Variants in GLIS3 observed in about 807,000 individuals in gnomAD.
GLIS3 encodes GLIS family zinc finger 3, also known as zinc finger protein GLIS3.
GLIS3 carries 53 observed loss-of-function variants against 78.6 expected under a neutral mutation model. That is an observed-to-expected ratio of 0.67 (90% confidence interval 0.54 to 0.85). GLIS3 has a LOEUF of 0.85. Among genes scored for constraint, GLIS3 ranks in the 40% least tolerant of loss-of-function variants. The pLI, the probability that GLIS3 is intolerant of heterozygous loss-of-function variation, is 0.00. For synonymous variants in GLIS3, 684 were observed against 509.9 expected (o/e 1.34, Z -4.60); for missense variants, 1,703 against 1,231.1 (o/e 1.38, Z -5.74).
At chr9:3,990,389 T>A (rs1389791670) in intron 4 of GLIS3, among the ~76,000 whole-genome samples, 1 of 152,138 alleles carries the variant, frequency 6.6e-6, no homozygotes, top group South Asian at 2.1e-4. Flanking sequence ...ATGGCGCATG[T>A]TTTCTTCACC....
intron 4 of GLIS3, among the ~76,000 whole-genome samples, chr9:4,057,436 G>T (rs1182674092): frequency 1.3e-5 from 2 of 151,978 alleles, no homozygotes; most frequent in Non-Finnish European, 2.9e-5. Flanking sequence ...TGATAGGAAA[G>T]CACAAAAACA....
At chr9:4,087,766 G>A (rs749725991) in intron 4 of GLIS3, among the ~76,000 whole-genome samples, 2 of 152,040 alleles carry the variant, frequency 1.3e-5, no homozygotes, top group Admixed American at 1.3e-4. Flanking sequence ...ATGAACTAAG[G>A]GTAAGGTACC....
At chr9:4,088,563 T>G (rs1383833661) in intron 4 of GLIS3, among the ~76,000 whole-genome samples, 5 of 152,186 alleles carry the variant, frequency 3.3e-5, no homozygotes, top group Admixed American at 3.3e-4. Context: ...ACAGGAAAAT[T>G]ATCTTCTTAT....
chr9:4,039,203 T>C (rs189141491), intron 4 of GLIS3, among the ~76,000 whole-genome samples: 2 of 152,350 alleles, frequency 1.3e-5, no homozygotes, highest in Admixed American at 6.5e-5. Context: ...CTGGTTATTC[T>C]CTGGAGAGGG....
chr9:3,869,534 T>A lies in GLIS3; in HGVS notation c.2297+9893A>T, dbSNP rs185450907. Among the ~76,000 whole-genome samples the A allele has an allele frequency of 2.8e-4, 43 of 152,320 alleles. 1 individual carries two copies. In the East Asian group the frequency reaches 6.7e-3, roughly 24 times the overall value. On this transcript the variant is annotated intron_variant, in intron 8 of 10. Coordinates refer to ENST00000381971, the MANE Select transcript of GLIS3 (RefSeq NM_001042413.2). ...TGTTTGTGTGCCTGAATGTATATAT[T>A]AGAGCAACTATGCATTGTATCAAAG...
the GLIS3 span, among the ~76,000 whole-genome samples, chr9:4,451,680 C>G: frequency 5.9e-5 from 9 of 152,078 alleles, no homozygotes; most frequent in Non-Finnish European, 1.3e-4. Context: ...AATTAGAACC[C>G]AGGATAAAGA....
At chr9:4,390,945 G>C in the GLIS3 span, among the ~76,000 whole-genome samples, 3 of 152,288 alleles carry the variant, frequency 2.0e-5, no homozygotes, top group African/African-American at 7.2e-5. Context: ...AGGGAAACAA[G>C]TTCTCCACAT....
chr9:4,302,314 C>G (rs1383428532), upstream of GLIS3, among the ~76,000 whole-genome samples: 2 of 152,184 alleles, frequency 1.3e-5, no homozygotes, highest in Non-Finnish European at 1.5e-5. Flanking sequence ...CTCTAGAGAC[C>G]AGTGTTGTAT....
intron 2 of GLIS3, chr9:4,150,984 A>C (rs1164953756): frequency 1.3e-5 from 2 of 152,188 alleles, no homozygotes; most frequent in African/African-American, 2.4e-5. Flanking sequence ...AATAGAGTGA[A>C]GATGGCAGAT....
chr9:3,935,550 G>A (rs921404340), intron 5 of GLIS3, among the ~76,000 whole-genome samples: 1 of 152,134 alleles, frequency 6.6e-6, no homozygotes, highest in African/African-American at 2.4e-5. Flanking sequence ...CCTCGCAACA[G>A]TTCTTGCAAC....
chr9:4,044,370 C>T lies in GLIS3; in HGVS notation c.1710+73398G>A, dbSNP rs145631959. ...AGTAATCTCCCAACGCCCCTTAGCACGTCAACATTTGTTTTCCTGATTGTT... is the reference window on the plus strand; with the variant it reads ...AGTAATCTCCCAACGCCCCTTAGCATGTCAACATTTGTTTTCCTGATTGTT... On this transcript the variant is annotated intron_variant, in intron 4 of 10. Coordinates refer to ENST00000381971, the MANE Select transcript of GLIS3 (RefSeq NM_001042413.2). 7.9e-5 allele frequency among the ~76,000 whole-genome samples: 12 copies of T among 152,296 alleles called. No individual in the cohort carries two copies. The South Asian group carries it at 1.5e-3, about 18-fold the overall frequency.
rs12115521 is a variant in GLIS3, at chr9:4,179,148, T to C, written c.389-53207A>G. 9.8e-3 allele frequency among the ~76,000 whole-genome samples: 1,490 copies of C among 152,286 alleles called. 25 individuals carry two copies. The highest frequency in any genetic ancestry group is 0.035 in the African/African-American group (1,434 of 41,548). ...TCCTGCTTCATTAAAGATGCTTACA[T>C]TTGGATAGTCTGCAAATGTTCAGTA... On this transcript the variant is annotated intron_variant, in intron 2 of 10. Coordinates refer to ENST00000381971, the MANE Select transcript of GLIS3 (RefSeq NM_001042413.2).
the GLIS3 span, among the ~76,000 whole-genome samples, chr9:4,390,996 T>C: frequency 7.9e-5 from 12 of 152,202 alleles, no homozygotes; most frequent in African/African-American, 2.9e-4. Context: ...GCTTGCTTCC[T>C]GCCTATTTCT....
the GLIS3 span, among the ~76,000 whole-genome samples, chr9:4,358,712 G>A: frequency 2.2e-3 from 331 of 152,326 alleles, 1 homozygote; most frequent in African/African-American, 7.5e-3. Flanking sequence ...ATGGGCACAC[G>A]TGTGTATGTG....
chr9:4,465,345 C>T, the GLIS3 span, among the ~76,000 whole-genome samples: 86 of 152,300 alleles, frequency 5.6e-4, no homozygotes, highest in Non-Finnish European at 7.4e-4. Flanking sequence ...GTCGGGAGTT[C>T]GAGACCAGCC....
the GLIS3 span, among the ~76,000 whole-genome samples, chr9:4,421,639 C>G: frequency 6.6e-6 from 1 of 152,206 alleles, no homozygotes; most frequent in Non-Finnish European, 1.5e-5. Context: ...AGGGTGCTCT[C>G]ATTTATTACT....
At chr9:4,455,998 C>T in the GLIS3 span, among the ~76,000 whole-genome samples, 1 of 152,072 alleles carries the variant, frequency 6.6e-6, no homozygotes, top group Non-Finnish European at 1.5e-5. Flanking sequence ...CTCCTAGCTA[C>T]TCAGGAGGCT....
chr9:4,176,536 C>T (rs1816827931), intron 2 of GLIS3, among the ~76,000 whole-genome samples: 1 of 152,012 alleles, frequency 6.6e-6, no homozygotes, highest in Non-Finnish European at 1.5e-5. Context: ...TACTATTGCA[C>T]TTTTAGGGTA....
intron 2 of GLIS3, among the ~76,000 whole-genome samples, chr9:4,314,876 G>A (rs997111894): frequency 4.6e-5 from 7 of 152,320 alleles, no homozygotes; most frequent in African/African-American, 1.2e-4. Context: ...GGCACCCAGC[G>A]AACCCTGCTG....
Sources: gnomAD v4.1 joint callset for allele counts (sites outside exome capture counted in the v4.1 genomes callset) on GRCh38, gnomAD v4.1.1 for gene constraint, MANE v1.5 for transcripts, NCBI Gene and HGNC (gene_info 2026-07-23, HGNC 2026-07-21) for gene names.